The following GRIP1 variants were observed in gnomAD, a reference collection of about 807,000 sequenced individuals.
The protein encoded by GRIP1 is glutamate receptor-interacting protein 1.
Under a neutral mutation model 129.9 loss-of-function variants are expected in GRIP1, and 45 were observed. The observed-to-expected ratio is 0.35, with a 90% CI of 0.27 to 0.44. The LOEUF (loss-of-function observed/expected upper bound fraction) is 0.44. Among genes scored for constraint, GRIP1 ranks in the 20% least tolerant of loss-of-function variants. The pLI is 1.00. For missense variants in GRIP1, 1,196 were observed against 1,396.8 expected (o/e 0.86, Z 2.29); for synonymous variants, 530 against 520.8 (o/e 1.02, Z -0.24).
chr12:66,586,882 T>C (rs1424744372), intron 2 of GRIP1, among the ~76,000 whole-genome samples: 1 of 152,198 alleles, frequency 6.6e-6, no homozygotes, highest in Non-Finnish European at 1.5e-5. Flanking sequence ...CTCCTTAAAG[T>C]CTATTTTCCA....
chr12:66,613,127 C>T (rs1188395937), intron 1 of GRIP1, among the ~76,000 whole-genome samples: 2 of 152,064 alleles, frequency 1.3e-5, no homozygotes, highest in Non-Finnish European at 2.9e-5. Context: ...ATGGTAAATC[C>T]TCCCAGAGGC....
At chr12:66,480,395 C>G (rs1294163900) in intron 7 of GRIP1, among the ~76,000 whole-genome samples, 2 of 152,038 alleles carry the variant, frequency 1.3e-5, no homozygotes, top group African/African-American at 4.8e-5. Flanking sequence ...CAAACCACTG[C>G]TCAAGAAAAT....
intron 19 of GRIP1, among the ~76,000 whole-genome samples, chr12:66,379,711 T>G (rs1263262794): frequency 2.6e-5 from 4 of 152,188 alleles, no homozygotes; most frequent in Non-Finnish European, 4.4e-5. Context: ...TTCAAGTACC[T>G]AAGGCTATTT....
intron 19 of GRIP1, among the ~76,000 whole-genome samples, chr12:66,384,384 AC>A (rs778033793): frequency 1.6e-4 from 25 of 152,220 alleles, no homozygotes; most frequent in Non-Finnish European, 2.9e-4. Flanking sequence ...ATATCAAAAT[AC>A]CTAGTGTTAT....
intron 2 of GRIP1, among the ~76,000 whole-genome samples, chr12:66,584,994 C>T (rs117403235): frequency 4.6e-5 from 7 of 152,242 alleles, no homozygotes; most frequent in East Asian, 1.9e-4. Flanking sequence ...TTCCCTCCCG[C>T]TGACCCGTTG....
At chr12:66,509,954 T>G (rs1029245100) in intron 7 of GRIP1, among the ~76,000 whole-genome samples, 1 of 151,994 alleles carries the variant, frequency 6.6e-6, no homozygotes, top group Non-Finnish European at 1.5e-5. Flanking sequence ...AACTTAAAAG[T>G]TGAAGAAGAA....
At chr12:66,586,937 C>A (rs2139675381) in intron 2 of GRIP1, among the ~76,000 whole-genome samples, 1 of 152,184 alleles carries the variant, frequency 6.6e-6, no homozygotes, top group East Asian at 1.9e-4. Flanking sequence ...GAAATTACAT[C>A]AATACATTAA....
At chr12:66,624,571 G>A (rs983023760) in intron 1 of GRIP1, among the ~76,000 whole-genome samples, 1 of 152,080 alleles carries the variant, frequency 6.6e-6, no homozygotes, top group Non-Finnish European at 1.5e-5. Flanking sequence ...AATCATTTAG[G>A]CTAAGTACAT....
intron 2 of GRIP1, among the ~76,000 whole-genome samples, chr12:66,589,892 T>C (rs191246325): frequency 2.0e-5 from 3 of 152,268 alleles, no homozygotes; most frequent in East Asian, 1.9e-4. Flanking sequence ...TTCTTCACTT[T>C]CCTCAGTGCC....
intron 1 of GRIP1, among the ~76,000 whole-genome samples, chr12:67,034,091 A>C (rs1360049037): frequency 2.0e-5 from 3 of 152,210 alleles, no homozygotes; most frequent in Non-Finnish European, 4.4e-5. Context: ...TTAATTCAAA[A>C]CTTTTCCTAT....
At chr12:66,731,548 A>G (rs2036438151) in intron 1 of GRIP1, among the ~76,000 whole-genome samples, 1 of 152,178 alleles carries the variant, frequency 6.6e-6, no homozygotes, top group Non-Finnish European at 1.5e-5. Flanking sequence ...TTGAAACTAT[A>G]AATAAACATG....
At chr12:67,039,105 A>G (rs1425167782) in intron 1 of GRIP1, among the ~76,000 whole-genome samples, 2 of 152,116 alleles carry the variant, frequency 1.3e-5, no homozygotes, top group African/African-American at 4.8e-5. Flanking sequence ...AGGTCCTGAA[A>G]ATCTAAGTTA....
At position 66,973,919 on chromosome 12, in the gene GRIP1, CTTT is replaced by C. The variant is rs535699240; in HGVS notation, c.58+95128_58+95130del. On this transcript the variant is annotated intron_variant, in intron 1 of 1. Transcript: ENST00000643019. ...AGTTAGAAGGCTTTTCTTTTCTTTT[CTTT>C]TTTTTTTTTTTTTTTGAGTCAGAGT... 3.9e-4 allele frequency among the ~76,000 whole-genome samples: 47 copies of C among 121,322 alleles called. No individual in the cohort carries two copies. The South Asian group carries it at 0.012, about 30-fold the overall frequency. 79.6% of individuals were successfully genotyped at this position (121,322 alleles called of 152,430 possible). A position where few individuals can be genotyped will look rare whatever the true frequency, so the allele number is the denominator to read the frequency against.
intron 2 of GRIP1, among the ~76,000 whole-genome samples, chr12:66,548,345 C>G (rs1477023951): frequency 6.6e-6 from 1 of 152,152 alleles, no homozygotes; most frequent in East Asian, 1.9e-4. Context: ...TGCCCTAGGA[C>G]TTTATCTTGT....
intron 1 of GRIP1, among the ~76,000 whole-genome samples, chr12:66,719,100 G>T (rs957273193): frequency 1.5e-4 from 23 of 152,220 alleles, no homozygotes; most frequent in African/African-American, 5.5e-4. Flanking sequence ...CCTGGATGGG[G>T]TGTATGGTTA....
intron 1 of GRIP1, among the ~76,000 whole-genome samples, chr12:66,620,325 A>G (rs975878747): frequency 6.6e-6 from 1 of 152,160 alleles, no homozygotes; most frequent in Non-Finnish European, 1.5e-5. Flanking sequence ...AATTAGGTTC[A>G]ATGTTAGTTA....
rs1477478267 is a variant in GRIP1, at chr12:66,371,347, C to T, written c.3012+347G>A. 3.3e-5 allele frequency among the ~76,000 whole-genome samples: 5 copies of T among 152,026 alleles called. No homozygotes were observed. The East Asian group carries it at 5.8e-4, about 18-fold the overall frequency. On this transcript the variant is annotated intron_variant, in intron 23 of 24. Transcript: ENST00000359742. Reference sequence around the variant, plus strand: ...CTAATTTTTGTATTTTTAGTAGAGACAGGGTTTCACCATGTTGGCCAGGCT... The same window carrying T: ...CTAATTTTTGTATTTTTAGTAGAGATAGGGTTTCACCATGTTGGCCAGGCT...
intron 1 of GRIP1, among the ~76,000 whole-genome samples, chr12:66,946,286 G>A (rs1291914210): frequency 6.6e-6 from 1 of 152,112 alleles, no homozygotes; most frequent in African/African-American, 2.4e-5. Context: ...CTCCAGGCCT[G>A]TCTTATCAAA....
At chr12:66,699,196 T>C (rs2035265822) in intron 1 of GRIP1, among the ~76,000 whole-genome samples, 1 of 152,172 alleles carries the variant, frequency 6.6e-6, no homozygotes, top group South Asian at 2.1e-4. Context: ...GTAAGTCTAG[T>C]GTCCCAGACA....
Sources: allele counts gnomAD v4.1 joint callset (sites outside exome capture counted in the v4.1 genomes callset), GRCh38; gene constraint gnomAD v4.1.1; transcripts MANE v1.5; gene names NCBI Gene and HGNC (gene_info 2026-07-23, HGNC 2026-07-21).